SNPH: variants seen among roughly 807,000 people sequenced by gnomAD.
SNPH encodes syntaphilin.
A neutral mutation model predicts 36.8 loss-of-function variants in SNPH; 10 were observed. The observed-to-expected ratio is 0.27, with a 90% CI of 0.17 to 0.46. The LOEUF (loss-of-function observed/expected upper bound fraction) is 0.46, where lower values mean the gene tolerates loss of function less well. SNPH is among the 20% of genes least tolerant of loss of function. The pLI is 1.00. For synonymous variants in SNPH, 281 were observed against 312.2 expected (o/e 0.90, Z 1.05); for missense variants, 622 against 744.0 (o/e 0.84, Z 1.91).
intron 2 of SNPH, among the ~76,000 whole-genome samples, chr20:1,279,212 T>C (rs1488422763): frequency 2.0e-5 from 3 of 152,210 alleles, no homozygotes. Context: ...TTCCTCTACA[T>C]CCTCATCAGT....
rs144379277 is a variant in SNPH, at chr20:1,268,419, T to G, written c.-493+1659T>G. ...TCACCCTGAGGCCAGGCAGTCAAGT[T>G]TTTGGTGCTTGTATTTTCGATTCTT... On this transcript the variant is annotated intron_variant, in intron 2 of 6. Coordinates refer to ENST00000381867, the MANE Select transcript of SNPH (RefSeq NM_001318234.2). Among the ~76,000 whole-genome samples the G allele has an allele frequency of 4.3e-3, 655 of 152,218 alleles. 6 individuals are homozygous for G. The highest frequency in any genetic ancestry group is 0.015 in the African/African-American group (624 of 41,530).
At chr20:1,303,185 C>T (rs2088524709) in intron 6 of SNPH, among the ~76,000 whole-genome samples, 1 of 152,266 alleles carries the variant, frequency 6.6e-6, no homozygotes, top group African/African-American at 2.4e-5. Flanking sequence ...CCTTCTGTTC[C>T]TCAAAGACAC....
At position 1,266,822 on chromosome 20, in the gene SNPH, G is replaced by C. The variant is rs143467010; in HGVS notation, c.-493+62G>C. On this transcript the variant is annotated intron_variant, in intron 2 of 6. Coordinates refer to ENST00000381867, the MANE Select transcript of SNPH (RefSeq NM_001318234.2). The surrounding 1 kb of genome is among the most constrained non-coding windows in gnomAD (Gnocchi z 6.0). ...CGCTGCACCGCGGCAGGTGGGGGCC[G>C]CTTGCAACCGCTCGCTGCGGTAGAA... The C allele has an allele frequency of 4.6e-3, 6,053 of 1,303,086 alleles. 254 individuals are homozygous for C. The African/African-American group carries it at 0.083, about 18-fold the overall frequency. 80.7% of individuals were successfully genotyped at this position (1,303,086 alleles called of 1,614,324 possible). A position where few individuals can be genotyped will look rare whatever the true frequency, so the allele number is the denominator to read the frequency against.
chr20:1,273,902 C>T lies in SNPH; in HGVS notation c.-493+7142C>T, dbSNP rs367643404. On this transcript the variant is annotated intron_variant, in intron 2 of 6. Coordinates refer to ENST00000381867, the MANE Select transcript of SNPH (RefSeq NM_001318234.2). ...AGGAAATTTGTTCAAGGTTACACAG[C>T]GGCTGTGTAGCAGAGCCTACACTTA... Among the ~76,000 whole-genome samples the T allele has an allele frequency of 1.6e-4, 24 of 152,248 alleles. No individual in the cohort carries two copies. In the East Asian group the frequency reaches 3.1e-3, roughly 20 times the overall value.
At chr20:1,300,126 A>G (rs1377461367) in intron 5 of SNPH, among the ~76,000 whole-genome samples, 6 of 152,144 alleles carry the variant, frequency 3.9e-5, no homozygotes, top group Admixed American at 3.9e-4. Flanking sequence ...AAGACGAGGT[A>G]CCTGGGTTCT....
At chr20:1,300,979 T>C (rs577235297) in intron 6 of SNPH, among the ~76,000 whole-genome samples, 20 of 152,368 alleles carry the variant, frequency 1.3e-4, no homozygotes, top group African/African-American at 4.6e-4. Context: ...CTCCTGCCTG[T>C]GCTGTCCTTT....
In SNPH at chr20:1,294,455, G is replaced by T. The variant is rs575064531; in HGVS notation, c.-492-496G>T. 6.6e-6 allele frequency among the ~76,000 whole-genome samples: 1 copy of T among 152,304 alleles called. No homozygotes were observed. The highest frequency in any genetic ancestry group is 2.1e-4 in the South Asian group (1 of 4,834). On this transcript the variant is annotated intron_variant, in intron 2 of 6. Coordinates refer to ENST00000381867, the MANE Select transcript of SNPH (RefSeq NM_001318234.2). This position sits in a 1 kb window ranked among gnomAD's most constrained non-coding sequence, Gnocchi z 4.4. ...TACCCCCAAATCGCCCCTCCTCCAT[G>T]GTTCCTGCTCTAGGGGCCAGCCCTA...
At chr20:1,296,533 A>G in intron 4 of SNPH, 112 bp downstream of exon 4, 2 of 902,744 alleles carry the variant, frequency 2.2e-6, no homozygotes, top group Non-Finnish European at 1.7e-6. Context: ...ATCATTTCCC[A>G]TTCCCATCTT....
At chr20:1,298,238 A>C (rs927612336) in intron 5 of SNPH, among the ~76,000 whole-genome samples, 4 of 152,288 alleles carry the variant, frequency 2.6e-5, no homozygotes, top group African/African-American at 7.2e-5. Context: ...TGATATCTAC[A>C]CACCGCCTGT....
rs1402927131 is a variant in SNPH at position 1,278,018 on chromosome 20, CTATG to C, written c.-493+11264_-493+11267del. Among the ~76,000 whole-genome samples the C allele has an allele frequency of 8.8e-5, 12 of 135,814 alleles. No individual in the cohort carries two copies. The South Asian group carries it at 9.7e-4, about 11-fold the overall frequency. 89.1% of individuals were successfully genotyped at this position (135,814 alleles called of 152,430 possible). A position where few individuals can be genotyped will look rare whatever the true frequency, so the allele number is the denominator to read the frequency against. The stretch of plus-strand genomic sequence containing the variant: ...TGTGTGTCTGTGTGTGTGTCAGTGT[CTATG>C]TATGTGTGTCTGTGTATGTGTGCCT... On this transcript the variant is annotated intron_variant, in intron 2 of 6. Coordinates refer to ENST00000381867, the MANE Select transcript of SNPH (RefSeq NM_001318234.2).
At chr20:1,274,871 A>G (rs938496554) in intron 2 of SNPH, among the ~76,000 whole-genome samples, 1 of 152,184 alleles carries the variant, frequency 6.6e-6, no homozygotes, top group African/African-American at 2.4e-5. Flanking sequence ...CCAGTTTGGC[A>G]CCACCTCCCC....
chr20:1,284,856 G>A (rs1313747696), intron 2 of SNPH, among the ~76,000 whole-genome samples: 1 of 152,206 alleles, frequency 6.6e-6, no homozygotes, highest in Non-Finnish European at 1.5e-5. Context: ...CTATTGAAAG[G>A]AAGGACCGTT....
In SNPH at chr20:1,306,342, C is replaced by A; in HGVS notation, c.*288C>A. 3.0e-6 allele frequency: 1 copy of A among 336,300 alleles called. No individual in the cohort carries two copies. Among genetic ancestry groups the A allele is most frequent in the Non-Finnish European group, 5.3e-6 (1 of 187,246 alleles). 20.8% of individuals were successfully genotyped at this position (336,300 alleles called of 1,614,324 possible). ...AGGGCCAACCCGGCCCCTCTGTCCC[C>A]TTGGCTCTTCAGACAGGGCCAGCCC... On this transcript the variant is annotated 3_prime_UTR_variant, in exon 7 of 7. Transcript: ENST00000381867.
intron 2 of SNPH, among the ~76,000 whole-genome samples, chr20:1,278,122 C>T (rs2088173853): frequency 6.9e-6 from 1 of 144,150 alleles, no homozygotes; most frequent in South Asian, 2.2e-4. Context: ...GTGTGTGTAT[C>T]TGTGTGTGTC....
rs2088424745 is a variant in SNPH, at chr20:1,295,948, G to T, written c.-292G>T. ...TGGGTCTGAGTATCAGGGTCCTGGG[G>T]AAGAAGCAGGCCTGGCTCGTAGAGT... On this transcript the variant is annotated 5_prime_UTR_variant, in exon 4 of 7. Coordinates refer to ENST00000381867, the MANE Select transcript of SNPH (RefSeq NM_001318234.2). 1 of 379,188 alleles carries T rather than the reference G, an allele frequency of 2.6e-6. No homozygotes were observed. Among genetic ancestry groups the T allele is most frequent in the Admixed American group, 4.8e-5 (1 of 20,862 alleles). 23.5% of individuals were successfully genotyped at this position (379,188 alleles called of 1,614,324 possible).
intron 4 of SNPH, 92 bp downstream of exon 4, chr20:1,296,513 G>C (rs6109320): frequency 0.63 from 697,231 of 1,104,956 alleles, 220,838 homozygotes; most frequent in African/African-American, 0.72. Flanking sequence ...TGCAGTATGT[G>C]TTTGAGCAAA....
In SNPH at chr20:1,306,201, C is replaced by T. The variant is rs1333642568; in HGVS notation, c.*147C>T. 1.3e-5 allele frequency: 9 copies of T among 689,832 alleles called. No homozygotes were observed. The South Asian group carries it at 1.4e-4, about 11-fold the overall frequency. The allele number at this position is 689,832 out of a possible 1,614,324, so 42.7% of individuals were successfully genotyped here. A position where few individuals can be genotyped will look rare whatever the true frequency, so the allele number is the denominator to read the frequency against. On this transcript the variant is annotated 3_prime_UTR_variant, in exon 7 of 7. Coordinates refer to ENST00000381867, the MANE Select transcript of SNPH (RefSeq NM_001318234.2). ...TTTTTTCAAGATGTTAAAACAGTCC[C>T]GTGGAAGGAGCAGGGGTTGGAGAAA... is the stretch of plus-strand genomic sequence containing the variant.
intron 2 of SNPH, among the ~76,000 whole-genome samples, chr20:1,283,465 G>A (rs377381644): frequency 6.6e-6 from 1 of 152,164 alleles, no homozygotes; most frequent in East Asian, 1.9e-4. Flanking sequence ...GCTCTGTTAA[G>A]AACTCTGACA....
intron 2 of SNPH, among the ~76,000 whole-genome samples, chr20:1,279,066 A>G (rs2088185353): frequency 1.3e-5 from 2 of 152,154 alleles, no homozygotes; most frequent in Admixed American, 6.5e-5. Context: ...ACACTTTCCT[A>G]TTTTCTTGGG....
Sources: allele counts gnomAD v4.1 joint callset (sites outside exome capture counted in the v4.1 genomes callset), GRCh38; gene constraint gnomAD v4.1.1; non-coding constraint Gnocchi (gnomAD v3.1); transcripts MANE v1.5; gene names NCBI Gene and HGNC (gene_info 2026-07-23, HGNC 2026-07-21).